The following RXRA variants were observed in gnomAD, a reference collection of about 807,000 sequenced individuals.
RXRA encodes retinoic acid receptor RXR-alpha.
Under a neutral mutation model 44.5 loss-of-function variants are expected in RXRA, and 5 were observed. The ratio of observed to expected loss-of-function variants is 0.11; its 90% confidence interval spans 0.06 to 0.24. The LOEUF (loss-of-function observed/expected upper bound fraction) is 0.24, where lower values mean the gene tolerates loss of function less well. RXRA is among the 10% of genes least tolerant of loss of function. The pLI, the probability that RXRA is intolerant of heterozygous loss-of-function variation, is 1.00. For missense variants in RXRA, 412 were observed against 646.5 expected, an observed-to-expected ratio of 0.64 and a Z score of 3.93; for synonymous variants, 291 against 271.4, an observed-to-expected ratio of 1.07 and a Z score of -0.71.
chr9:134,392,251 G>C (rs961773862), intron 1 of RXRA, among the ~76,000 whole-genome samples: 15 of 152,184 alleles, frequency 9.9e-5, no homozygotes, highest in African/African-American at 3.6e-4. Context: ...CAGGACTGGG[G>C]CTTGACTCCC....
At chr9:134,334,845 G>A (rs7858925) in intron 1 of RXRA, among the ~76,000 whole-genome samples, 58,427 of 152,138 alleles carry the variant, frequency 0.38, 12,688 homozygotes, top group African/African-American at 0.59. Flanking sequence ...CCAGGAAGCC[G>A]TGGGCTCTGA....
At chr9:134,414,237 C>T (rs961116371) in intron 4 of RXRA, among the ~76,000 whole-genome samples, 2 of 152,260 alleles carry the variant, frequency 1.3e-5, no homozygotes, top group African/African-American at 4.8e-5. Context: ...GAGGCAGGTG[C>T]CAAGGAGCCC....
chr9:134,337,077 C>T (rs56348487), intron 1 of RXRA, among the ~76,000 whole-genome samples: 14,439 of 152,122 alleles, frequency 0.095, 750 homozygotes, highest in South Asian at 0.16. Flanking sequence ...CAGTGCTCAG[C>T]GTGTTGGAGA....
At chr9:134,373,388 G>A (rs1396387692) in intron 1 of RXRA, among the ~76,000 whole-genome samples, 1 of 152,190 alleles carries the variant, frequency 6.6e-6, no homozygotes, top group African/African-American at 2.4e-5. Context: ...CTGTGTGCCG[G>A]GCCCTGCGCT....
intron 6 of RXRA, chr9:134,427,108 G>A (rs1347992671): frequency 1.0e-6 from 1 of 984,580 alleles, no homozygotes; most frequent in African/African-American, 1.8e-5. Flanking sequence ...CAGATTGAGG[G>A]GGCCTCTTCT....
intron 4 of RXRA, among the ~76,000 whole-genome samples, chr9:134,411,771 G>A (rs182216107): frequency 3.9e-5 from 6 of 152,338 alleles, no homozygotes; most frequent in East Asian, 1.9e-4. Flanking sequence ...CTGCGTGGGC[G>A]GTGAGGAGGC....
chr9:134,431,801 C>T, intron 7 of RXRA, 104 bp from the exon 8 acceptor site: 1 of 859,914 alleles, frequency 1.2e-6, no homozygotes, highest in Non-Finnish European at 1.8e-6. Flanking sequence ...CTCAGCGGCC[C>T]TCGGGCCACG....
chr9:134,436,871 G>T lies in RXRA; in HGVS notation c.*257G>T. ...AGAACTAGCGTGAGCCCAGCCAGGCGCCTCCCCACCGGGCTCTCAGGACAC... is the reference window on the plus strand; with the variant it reads ...AGAACTAGCGTGAGCCCAGCCAGGCTCCTCCCCACCGGGCTCTCAGGACAC... On this transcript the variant is annotated 3_prime_UTR_variant, in exon 10 of 10. Transcript: ENST00000481739. 4.2e-6 allele frequency: 2 copies of T among 477,360 alleles called. No homozygotes were observed. The highest frequency in any genetic ancestry group is 7.5e-6 in the Non-Finnish European group (2 of 267,398). 29.6% of individuals were successfully genotyped at this position (477,360 alleles called of 1,614,324 possible). A position where few individuals can be genotyped will look rare whatever the true frequency, so the allele number is the denominator to read the frequency against.
intron 1 of RXRA, among the ~76,000 whole-genome samples, chr9:134,352,740 C>T (rs896622128): frequency 6.6e-6 from 1 of 152,144 alleles, no homozygotes; most frequent in African/African-American, 2.4e-5. Context: ...CAGCATGGGG[C>T]GGGCTCCACA....
At chr9:134,409,304 A>G (rs1418769591) in intron 4 of RXRA, among the ~76,000 whole-genome samples, 185 bp downstream of exon 4, 1 of 152,232 alleles carries the variant, frequency 6.6e-6, no homozygotes, top group African/African-American at 2.4e-5. Flanking sequence ...GAGCGTGGGC[A>G]CACATGGGTC....
chr9:134,375,259 A>C (rs1830541527), intron 1 of RXRA, among the ~76,000 whole-genome samples: 1 of 152,132 alleles, frequency 6.6e-6, no homozygotes, highest in South Asian at 2.1e-4. Context: ...GGTGGAGAGC[A>C]GGCCGGGCCA....
At chr9:134,421,118 G>A (rs936611596) in intron 5 of RXRA, among the ~76,000 whole-genome samples, 7 of 152,238 alleles carry the variant, frequency 4.6e-5, no homozygotes, top group Non-Finnish European at 7.3e-5. Flanking sequence ...CCAGAGCTGT[G>A]GGAGAGACTC....
chr9:134,370,770 T>C (rs1830481687), intron 1 of RXRA, among the ~76,000 whole-genome samples: 1 of 152,112 alleles, frequency 6.6e-6, no homozygotes, highest in Non-Finnish European at 1.5e-5. Flanking sequence ...GGGTGGGCCT[T>C]GTGCACAGCC....
intron 1 of RXRA, among the ~76,000 whole-genome samples, chr9:134,390,062 G>T (rs1275169956): frequency 2.0e-5 from 3 of 152,160 alleles, no homozygotes; most frequent in African/African-American, 7.2e-5. Flanking sequence ...GATGAGGATG[G>T]GGGTGGCCGT....
At position 134,380,297 on chromosome 9, in the gene RXRA, C is replaced by T. The variant is rs144390874; in HGVS notation, c.29-21335C>T. 85 of 678,810 alleles carry T rather than the reference C, an allele frequency of 1.3e-4. No individual in the cohort carries two copies. In the Middle Eastern group the frequency reaches 2.3e-3, roughly 18 times the overall value. 42.0% of individuals were successfully genotyped at this position (678,810 alleles called of 1,614,324 possible). A position where few individuals can be genotyped will look rare whatever the true frequency, so the allele number is the denominator to read the frequency against. On this transcript the variant is annotated intron_variant, in intron 1 of 9. Coordinates refer to ENST00000481739, the MANE Select transcript of RXRA (RefSeq NM_002957.6). ...GCTGGCGTGCTGAGGCTGGCCTGCCCGTGGCTTGGCCTGGGGGCAGGGGTA... is the reference window on the plus strand; with the variant it reads ...GCTGGCGTGCTGAGGCTGGCCTGCCTGTGGCTTGGCCTGGGGGCAGGGGTA...
chr9:134,398,675 T>C (rs1830916349), intron 1 of RXRA, among the ~76,000 whole-genome samples: 1 of 152,210 alleles, frequency 6.6e-6, no homozygotes. Flanking sequence ...GACTCCCCAG[T>C]CTTCCCAGAT....
At chr9:134,432,794 G>A (rs375834108) in intron 8 of RXRA, among the ~76,000 whole-genome samples, 4 of 152,326 alleles carry the variant, frequency 2.6e-5, no homozygotes, top group South Asian at 4.1e-4. Context: ...CAAGTTAGGG[G>A]CCAGGGGAGT....
At chr9:134,346,538 G>A (rs1554748830) in intron 1 of RXRA, among the ~76,000 whole-genome samples, 1 of 152,124 alleles carries the variant, frequency 6.6e-6, no homozygotes, top group Admixed American at 6.5e-5. Context: ...GGGGGCTCTC[G>A]TTAATCTTCT....
intron 1 of RXRA, among the ~76,000 whole-genome samples, chr9:134,376,711 G>A (rs1830562585): frequency 6.3e-5 from 1 of 15,792 alleles, no homozygotes; most frequent in South Asian, 2.5e-3. Context: ...CTGTGCTCCT[G>A]GGGGAAGCTG....
Sources: allele counts gnomAD v4.1 joint callset (sites outside exome capture counted in the v4.1 genomes callset), GRCh38; gene constraint gnomAD v4.1.1; transcripts MANE v1.5; gene names NCBI Gene and HGNC (gene_info 2026-07-23, HGNC 2026-07-21).